The following SNX10 variants were observed in gnomAD, a reference collection of about 807,000 sequenced individuals.
The protein encoded by SNX10 is sorting nexin-10.
A neutral mutation model predicts 28.5 loss-of-function variants in SNX10; 25 were observed. That is an observed-to-expected ratio of 0.88 (90% CI 0.64 to 1.22). SNX10 has a LOEUF of 1.22. Ranked by LOEUF, SNX10 falls within the 50% of genes most tolerant of loss-of-function variation. SNX10 has a pLI of 0.00. For missense variants in SNX10, 223 were observed against 242.6 expected (o/e 0.92, Z 0.54); for synonymous variants, 62 against 81.4 (o/e 0.76, Z 1.28).
At chr7:26,292,271 T>G (rs1406023863) in intron 1 of SNX10, 185 bp downstream of exon 1, 1 of 152,130 alleles carries the variant, frequency 6.6e-6, no homozygotes, top group Non-Finnish European at 1.5e-5. Flanking sequence ...AGCCGAGGTG[T>G]GCCGGGCAGG....
Position 26,332,133 on chromosome 7 carries a change from G to A in SNX10, c.-23-14287G>A, listed in dbSNP as rs148418815. ...TGAATTGCCAAGTCAAATGGTGACTGTATATTTAATTCTTCAAGAAACTGC... is the reference window on the plus strand; with the variant it reads ...TGAATTGCCAAGTCAAATGGTGACTATATATTTAATTCTTCAAGAAACTGC... On this transcript the variant is annotated intron_variant, in intron 1 of 6. Coordinates refer to ENST00000338523, the MANE Select transcript of SNX10 (RefSeq NM_013322.3). Among the ~76,000 whole-genome samples the A allele has an allele frequency of 2.0e-5, 3 of 152,306 alleles. No individual in the cohort carries two copies. The East Asian group carries it at 5.8e-4, about 29-fold the overall frequency.
intron 1 of SNX10, among the ~76,000 whole-genome samples, chr7:26,318,927 G>A (rs530747330): frequency 6.6e-4 from 100 of 152,198 alleles, no homozygotes; most frequent in Non-Finnish European, 1.2e-3. Flanking sequence ...AGGCTTTCTC[G>A]GAGAGGTTAA....
chr7:26,353,437 CTTTTTTTTTT>C (rs11386172), intron 2 of SNX10, among the ~76,000 whole-genome samples: 2 of 74,376 alleles, frequency 2.7e-5, no homozygotes, highest in African/African-American at 9.7e-5. Flanking sequence ...CTGGTAAATG[CTTTTTTTTTT>C]TTTTTTTTTT....
At chr7:26,358,570 T>C (rs1328400589) in intron 2 of SNX10, among the ~76,000 whole-genome samples, 1 of 151,842 alleles carries the variant, frequency 6.6e-6, no homozygotes, top group East Asian at 1.9e-4. Context: ...CAAGACCCCA[T>C]CTCTAAAAAA....
Position 26,337,577 on chromosome 7 carries a change from T to C in SNX10, c.-23-8843T>C, listed in dbSNP as rs560720171. Among the ~76,000 whole-genome samples, 9 of 152,382 alleles carry C rather than the reference T, an allele frequency of 5.9e-5. No homozygotes were observed. In the South Asian group the frequency reaches 1.7e-3, roughly 28 times the overall value. ...TAATAAAGGATTTGTCTTTTTATGA[T>C]TGGATTATTTCATTTAGCATAATGT... On this transcript the variant is annotated intron_variant, in intron 1 of 6. Coordinates refer to ENST00000338523, the MANE Select transcript of SNX10 (RefSeq NM_013322.3).
At chr7:26,309,315 C>T (rs914127987) in intron 1 of SNX10, among the ~76,000 whole-genome samples, 1 of 151,134 alleles carries the variant, frequency 6.6e-6, no homozygotes, top group Non-Finnish European at 1.5e-5. Context: ...TGTTTCATAT[C>T]TGAGTCTTGA....
intron 1 of SNX10, among the ~76,000 whole-genome samples, chr7:26,307,177 T>C (rs962152133): frequency 2.6e-5 from 4 of 152,206 alleles, no homozygotes; most frequent in Non-Finnish European, 4.4e-5. Context: ...ACATTAAATG[T>C]TGAATTTTTT....
At chr7:26,356,749 T>C (rs1010496384) in intron 2 of SNX10, among the ~76,000 whole-genome samples, 2 of 152,210 alleles carry the variant, frequency 1.3e-5, no homozygotes, top group Non-Finnish European at 2.9e-5. Flanking sequence ...TATTTCTATG[T>C]AAATAGGTGC....
intron 5 of SNX10, among the ~76,000 whole-genome samples, chr7:26,366,327 T>C (rs2128025546): frequency 6.6e-6 from 1 of 152,354 alleles, no homozygotes; most frequent in South Asian, 2.1e-4. Context: ...ATTGACTTAG[T>C]GCCTTTTCTT....
intron 3 of SNX10, among the ~76,000 whole-genome samples, chr7:26,363,272 A>G (rs1789157217): frequency 6.6e-6 from 1 of 152,198 alleles, no homozygotes; most frequent in African/African-American, 2.4e-5. Context: ...TAACCTGTCT[A>G]CATTCTGAAG....
At chr7:26,351,577 ATC>A (rs1788596758) in intron 2 of SNX10, among the ~76,000 whole-genome samples, 1 of 151,610 alleles carries the variant, frequency 6.6e-6, no homozygotes, top group South Asian at 2.1e-4. Flanking sequence ...AATATAATGT[ATC>A]TCGAGTGGGA....
chr7:26,350,465 CT>C (rs1788552625), intron 2 of SNX10, among the ~76,000 whole-genome samples: 1 of 152,160 alleles, frequency 6.6e-6, no homozygotes, highest in African/African-American at 2.4e-5. Context: ...ATATTTTGGA[CT>C]TCCTCTAGGA....
chr7:26,293,883 A>C (rs1381439245), intron 1 of SNX10, among the ~76,000 whole-genome samples: 1 of 152,236 alleles, frequency 6.6e-6, no homozygotes, highest in Non-Finnish European at 1.5e-5. Context: ...AAGTATGTTA[A>C]TCAAAGAGTA....
At chr7:26,294,988 C>A (rs896144960) in intron 1 of SNX10, among the ~76,000 whole-genome samples, 2 of 152,202 alleles carry the variant, frequency 1.3e-5, no homozygotes, top group African/African-American at 4.8e-5. Flanking sequence ...TTGATACTTA[C>A]ATTTATTTTT....
chr7:26,348,375 G>A (rs147830804), intron 2 of SNX10, among the ~76,000 whole-genome samples: 2 of 152,266 alleles, frequency 1.3e-5, no homozygotes, highest in African/African-American at 4.8e-5. Flanking sequence ...GCAAGCTTGG[G>A]GCTTTCCTGA....
chr7:26,299,371 T>A (rs937230590), intron 1 of SNX10, among the ~76,000 whole-genome samples: 11 of 152,148 alleles, frequency 7.2e-5, no homozygotes, highest in African/African-American at 2.4e-4. Flanking sequence ...AATTTTTGTA[T>A]TTTTAGTAGA....
At chr7:26,349,309 G>C (rs1788505251) in intron 2 of SNX10, among the ~76,000 whole-genome samples, 1 of 151,294 alleles carries the variant, frequency 6.6e-6, no homozygotes, top group Non-Finnish European at 1.5e-5. Context: ...TCTTGGTTCT[G>C]TCTAAATGGT....
intron 1 of SNX10, among the ~76,000 whole-genome samples, chr7:26,333,567 G>T (rs965537444): frequency 6.6e-6 from 1 of 151,424 alleles, no homozygotes; most frequent in East Asian, 1.9e-4. Flanking sequence ...CTCATGATCC[G>T]CCCGTCTCGG....
chr7:26,293,915 T>G (rs1786016988), intron 1 of SNX10, among the ~76,000 whole-genome samples: 1 of 152,238 alleles, frequency 6.6e-6, no homozygotes, highest in Non-Finnish European at 1.5e-5. Flanking sequence ...CTACAGCAAT[T>G]CTGCTGGGCT....
Sources: allele counts gnomAD v4.1 joint callset (sites outside exome capture counted in the v4.1 genomes callset), GRCh38; gene constraint gnomAD v4.1.1; transcripts MANE v1.5; gene names NCBI Gene and HGNC (gene_info 2026-07-23, HGNC 2026-07-21).